The following ENOX2 variants were observed in gnomAD, a reference collection of about 807,000 sequenced individuals.
The protein encoded by ENOX2 is APK1 antigen.
A neutral mutation model predicts 45.0 loss-of-function variants in ENOX2; 36 were observed. The observed-to-expected ratio is 0.80, with a 90% CI of 0.61 to 1.06. The LOEUF (loss-of-function observed/expected upper bound fraction) is 1.06, where lower values mean the gene tolerates loss of function less well. Ranked by LOEUF, ENOX2 falls within the 50% of genes least tolerant of loss-of-function variation. ENOX2 has a pLI of 0.00. For synonymous variants in ENOX2, 174 were observed against 152.3 expected, an observed-to-expected ratio of 1.14 and a Z score of -1.05; for missense variants, 423 against 462.5, an observed-to-expected ratio of 0.91 and a Z score of 0.78.
At chrX:130,868,394 CCA>C (rs1257844574) in intron 2 of ENOX2, among the ~76,000 whole-genome samples, 2 of 111,722 alleles carry the variant, frequency 1.8e-5, no homozygotes, top group Non-Finnish European at 3.8e-5. Flanking sequence ...GTGGTTTTAC[CCA>C]CAGTTGCTTT....
At chrX:130,851,837 T>A (rs1221934527) in intron 2 of ENOX2, among the ~76,000 whole-genome samples, 1 of 112,030 alleles carries the variant, frequency 8.9e-6, no homozygotes, top group Non-Finnish European at 1.9e-5. Flanking sequence ...CAATTCAATG[T>A]CTTCAGTTTC....
intron 3 of ENOX2, among the ~76,000 whole-genome samples, chrX:130,758,112 T>G (rs1220610217): frequency 8.9e-6 from 1 of 112,149 alleles, no homozygotes; most frequent in Non-Finnish European, 1.9e-5. Context: ...GCCAATACTA[T>G]ACATTCTTTA....
intron 2 of ENOX2, among the ~76,000 whole-genome samples, chrX:130,874,858 C>T (rs2078665546): frequency 9.0e-6 from 1 of 110,806 alleles, no homozygotes; most frequent in African/African-American, 3.3e-5. Context: ...CATGCCCCCC[C>T]CGACACACAC....
intron 10 of ENOX2, among the ~76,000 whole-genome samples, chrX:130,642,525 C>T (rs1603294135): frequency 2.7e-5 from 3 of 112,202 alleles, no homozygotes; most frequent in Admixed American, 1.9e-4. Context: ...GGACTGACTT[C>T]GATTTTGAAA....
chrX:130,722,979 A>C (rs749532603), intron 3 of ENOX2, among the ~76,000 whole-genome samples: 55 of 112,165 alleles, frequency 4.9e-4, no homozygotes, highest in African/African-American at 1.7e-3. Context: ...CACAGGTGCA[A>C]CTTCAATCCC....
chrX:130,668,076 T>TGTGA (rs1275805295), intron 7 of ENOX2, among the ~76,000 whole-genome samples: 28 of 102,408 alleles, frequency 2.7e-4, no homozygotes, highest in East Asian at 1.2e-3. Flanking sequence ...TGTGTGTGTG[T>TGTGA]GAGAGAGAGA....
intron 3 of ENOX2, among the ~76,000 whole-genome samples, chrX:130,762,197 T>C (rs1425534081): frequency 1.8e-5 from 2 of 112,360 alleles, no homozygotes; most frequent in African/African-American, 3.2e-5. Flanking sequence ...TATTTGCAAC[T>C]ATAAATTTCC....
chrX:130,868,200 A>C (rs2078519838), intron 2 of ENOX2, among the ~76,000 whole-genome samples: 1 of 111,745 alleles, frequency 8.9e-6, no homozygotes, highest in African/African-American at 3.3e-5. Context: ...TCTTAAGAGA[A>C]ATAAAAACAT....
At chrX:130,883,749 G>A (rs753637475) in intron 2 of ENOX2, among the ~76,000 whole-genome samples, 1 of 110,739 alleles carries the variant, frequency 9.0e-6, no homozygotes, top group East Asian at 2.8e-4. Context: ...TCTAAAACAC[G>A]CTCATAGGTG....
chrX:130,718,066 T>A (rs1026941163), intron 3 of ENOX2, among the ~76,000 whole-genome samples: 2 of 110,770 alleles, frequency 1.8e-5, no homozygotes, highest in African/African-American at 3.3e-5. Context: ...TCTTCCTCCT[T>A]CTCTCTCTCT....
rs1269186054 is a variant in ENOX2 at position 130,665,647 on chromosome X, G to A, written c.1010C>T (p.Ala337Val). The change falls in exon 9 of 15, where the codon GCT becomes GTT. Residue 337 changes from alanine (A) to valine (V), a missense_variant. Physicochemically the swap from Ala to Val is moderately conservative, Grantham distance 64 (BLOSUM62 0). Transcript: ENST00000394363. ...CCAGAATAAAAAGTTACCAACCTCA[G>A]CTTGTTTGCACCACACGCTGATGTT... is the stretch of plus-strand genomic sequence containing the variant. ...RKNISVWCKQ[A>V]EEIRNIHNDE... is the part of the protein sequence containing the mutation. The A allele has an allele frequency of 8.4e-7, 1 of 1,194,123 alleles. No homozygotes were observed. The highest frequency in any genetic ancestry group is 1.1e-6 in the Non-Finnish European group (1 of 883,141).
chrX:130,822,263 T>C (rs1255156191), intron 2 of ENOX2, among the ~76,000 whole-genome samples: 1 of 111,254 alleles, frequency 9.0e-6, no homozygotes, highest in East Asian at 2.8e-4. Flanking sequence ...TGACATATGA[T>C]GGTTTGACTT....
intron 2 of ENOX2, among the ~76,000 whole-genome samples, chrX:130,864,870 G>A (rs1294966811): frequency 9.0e-6 from 1 of 110,854 alleles, no homozygotes; most frequent in Non-Finnish European, 1.9e-5. Context: ...AAGAAATCCA[G>A]GCATGGTGGT....
chrX:130,780,861 C>T, intron 3 of ENOX2, among the ~76,000 whole-genome samples: 1 of 110,883 alleles, frequency 9.0e-6, no homozygotes, highest in Non-Finnish European at 1.9e-5. Context: ...ATGGCTTTGA[C>T]TCAGTGGAGT....
At chrX:130,683,502 T>C (rs1448593376) in intron 5 of ENOX2, among the ~76,000 whole-genome samples, 1 of 111,898 alleles carries the variant, frequency 8.9e-6, no homozygotes, top group Non-Finnish European at 1.9e-5. Flanking sequence ...GAAAACATTG[T>C]TCTTGCTCTT....
At chrX:130,892,201 T>C (rs756981347) in intron 2 of ENOX2, among the ~76,000 whole-genome samples, 250 of 112,413 alleles carry the variant, frequency 2.2e-3, no homozygotes, top group African/African-American at 7.7e-3. Flanking sequence ...TAAGTGCTCT[T>C]TGGTTATAGC....
At chrX:130,675,011 T>C in intron 6 of ENOX2, among the ~76,000 whole-genome samples, 1 of 100,578 alleles carries the variant, frequency 9.9e-6, no homozygotes, top group South Asian at 5.0e-4. Context: ...CTTAATCCAG[T>C]CTATCATTGT....
intron 6 of ENOX2, among the ~76,000 whole-genome samples, 198 bp from the exon 7 acceptor site, chrX:130,670,396 A>C (rs1431887501): frequency 9.0e-6 from 1 of 111,702 alleles, no homozygotes; most frequent in Non-Finnish European, 1.9e-5. Flanking sequence ...TAGCAAGTAA[A>C]TCATCAAAAG....
intron 2 of ENOX2, among the ~76,000 whole-genome samples, chrX:130,861,388 T>C (rs1328022483): frequency 1.8e-5 from 2 of 110,945 alleles, no homozygotes; most frequent in African/African-American, 3.3e-5. Flanking sequence ...AAAGGTGGTG[T>C]ACATACACAC....
Sources: gnomAD v4.1 joint callset for allele counts (sites outside exome capture counted in the v4.1 genomes callset) on GRCh38, gnomAD v4.1.1 for gene constraint, MANE v1.5 for transcripts, NCBI Gene and HGNC (gene_info 2026-07-23, HGNC 2026-07-21) for gene names.